The following PPP2R2B variants were observed in gnomAD, a reference collection of about 807,000 sequenced individuals.
The protein encoded by PPP2R2B is serine/threonine-protein phosphatase 2A 55 kDa regulatory subunit B beta isoform.
PPP2R2B carries 5 observed loss-of-function variants against 46.0 expected under a neutral mutation model. That is an observed-to-expected ratio of 0.11 (90% confidence interval 0.06 to 0.23). The LOEUF (loss-of-function observed/expected upper bound fraction) is 0.23, where lower values mean the gene tolerates loss of function less well. Among genes scored for constraint, PPP2R2B ranks in the 10% least tolerant of loss-of-function variants. The probability of loss-of-function intolerance (pLI) is 1.00; values close to 1 mark genes in which losing one functional copy is unlikely to be tolerated. For synonymous variants in PPP2R2B, 215 were observed against 206.7 expected (o/e 1.04, Z -0.34); for missense variants, 367 against 575.0 (o/e 0.64, Z 3.70).
At chr5:146,601,265 T>C (rs61418418) in intron 7 of PPP2R2B, among the ~76,000 whole-genome samples, 4,019 of 152,256 alleles carry the variant, frequency 0.026, 160 homozygotes, top group African/African-American at 0.089. Context: ...TTTTGTCTGG[T>C]CATATGTTTT....
At chr5:146,689,787 G>A (rs1561835094) in intron 5 of PPP2R2B, among the ~76,000 whole-genome samples, 1 of 152,186 alleles carries the variant, frequency 6.6e-6, no homozygotes, top group Non-Finnish European at 1.5e-5. Context: ...AGTCCACCCA[G>A]AATGATAAGG....
chr5:146,814,432 A>T (rs558449113), intron 2 of PPP2R2B, among the ~76,000 whole-genome samples: 3 of 152,164 alleles, frequency 2.0e-5, no homozygotes, highest in Non-Finnish European at 4.4e-5. Context: ...CCATCAGGTG[A>T]TGGTCAGGCA....
At position 146,693,635 on chromosome 5, in the gene PPP2R2B, C is replaced by T. The variant is rs575749032; in HGVS notation, c.335-2395G>A. Among the ~76,000 whole-genome samples, 36 of 152,272 alleles carry T rather than the reference C, an allele frequency of 2.4e-4. No individual in the cohort carries two copies. The South Asian group carries it at 7.3e-3, about 31-fold the overall frequency. The stretch of plus-strand genomic sequence containing the variant: ...AAAATAATTTAGTATGAGTATATCC[C>T]ATATAGTTCAATCTTACAAAGAAAG... On this transcript the variant is annotated intron_variant, in intron 4 of 9. Transcript: ENST00000394411.
chr5:146,698,079 G>T lies in PPP2R2B; in HGVS notation c.234C>A (p.Pro78=). 1 of 1,612,300 alleles carries T rather than the reference G, an allele frequency of 6.2e-7. No individual in the cohort carries two copies. The highest frequency in any genetic ancestry group is 1.1e-5 in the South Asian group (1 of 90,958). Residue 78 remains proline, a synonymous_variant, in exon 4 of 10, where the codon CCC becomes CCA. Transcript: ENST00000394411. The part of the protein sequence containing the change: ...NVYSTFQSHE[P]EFDYLKSLEI... The stretch of plus-strand genomic sequence containing the variant: ...CTAAACTCTTCAGGTAATCGAACTC[G>T]GGTTCATGGCTCTGGAATGTGCTGT...
intron 1 of PPP2R2B, among the ~76,000 whole-genome samples, chr5:147,023,100 T>G (rs886673275): frequency 6.6e-6 from 1 of 152,192 alleles, no homozygotes; most frequent in Non-Finnish European, 1.5e-5. Flanking sequence ...CATATGTACA[T>G]ATATTATATT....
intron 2 of PPP2R2B, among the ~76,000 whole-genome samples, chr5:146,824,738 CTT>C (rs201658038): frequency 0.013 from 1,887 of 142,812 alleles, 37 homozygotes; most frequent in African/African-American, 0.045. Context: ...AGAATCAATA[CTT>C]TTTTTTTTTT....
intron 2 of PPP2R2B, among the ~76,000 whole-genome samples, chr5:146,804,985 G>GA (rs1757086198): frequency 6.6e-6 from 1 of 152,120 alleles, no homozygotes; most frequent in African/African-American, 2.4e-5. Context: ...TCAGCCTTCA[G>GA]AAAAAAGCTG....
intron 2 of PPP2R2B, among the ~76,000 whole-genome samples, chr5:146,863,637 C>CATCT (rs890870640): frequency 3.4e-5 from 5 of 147,114 alleles, no homozygotes; most frequent in Non-Finnish European, 6.0e-5. Flanking sequence ...CCCATCCATC[C>CATCT]ATCTATCCAT....
chr5:147,072,847 G>T (rs1239140650), intron 2 of PPP2R2B, among the ~76,000 whole-genome samples: 1 of 152,190 alleles, frequency 6.6e-6, no homozygotes, highest in Non-Finnish European at 1.5e-5. Context: ...AATAAAATGT[G>T]GGTCTGTGTA....
intron 2 of PPP2R2B, among the ~76,000 whole-genome samples, chr5:146,839,515 T>A (rs1432027839): frequency 6.6e-6 from 1 of 152,174 alleles, no homozygotes; most frequent in Non-Finnish European, 1.5e-5. Flanking sequence ...CGAAATCCCA[T>A]CTCAAAAATA....
intron 1 of PPP2R2B, chr5:147,040,836 T>C (rs1030136426): frequency 2.3e-6 from 1 of 434,452 alleles, no homozygotes; most frequent in African/African-American, 2.1e-5. Context: ...TGTAAAATAA[T>C]AGTGCCATTA....
In PPP2R2B at chr5:147,062,985, AGGGAGGGAGGGAGGGG is replaced by A. The variant is rs1293595154; in HGVS notation, c.50+18058_50+18073del. ...GAGGGAGGGAGGGAGGGAGGGAGGG[AGGGAGGGAGGGAGGGG>A]GGAAGAAGGGAAGGGGGAAGAGAGG... On this transcript the variant is annotated intron_variant, in intron 2 of 10. Coordinates refer to the PPP2R2B transcript ENST00000394413. 4.7e-4 allele frequency among the ~76,000 whole-genome samples: 32 copies of A among 67,560 alleles called. 1 individual carries two copies. The East Asian group carries it at 0.015, about 31-fold the overall frequency. 44.3% of individuals were successfully genotyped at this position (67,560 alleles called of 152,430 possible). A position where few individuals can be genotyped will look rare whatever the true frequency, so the allele number is the denominator to read the frequency against.
At chr5:146,618,030 G>GGGGTTTCA (rs1773350390) in intron 7 of PPP2R2B, among the ~76,000 whole-genome samples, 1 of 152,026 alleles carries the variant, frequency 6.6e-6, no homozygotes, top group Admixed American at 6.6e-5. Flanking sequence ...GCAGAATAAT[G>GGGGTTTCA]CCATTGCCCC....
intron 5 of PPP2R2B, among the ~76,000 whole-genome samples, chr5:146,653,628 G>A (rs549134911): frequency 3.9e-5 from 6 of 152,268 alleles, no homozygotes; most frequent in African/African-American, 1.4e-4. Context: ...TGCATTGTCT[G>A]CAGAGATTTC....
chr5:146,651,756 G>A (rs2151095587), intron 5 of PPP2R2B, among the ~76,000 whole-genome samples: 1 of 152,318 alleles, frequency 6.6e-6, no homozygotes, highest in South Asian at 2.1e-4. Flanking sequence ...AGCCCCGACT[G>A]ATTTGATACC....
At chr5:146,626,530 C>A (rs536512791) in intron 7 of PPP2R2B, among the ~76,000 whole-genome samples, 1 of 152,298 alleles carries the variant, frequency 6.6e-6, no homozygotes, top group South Asian at 2.1e-4. Context: ...CTCTAACAGG[C>A]CAATGCCTCT....
In PPP2R2B at chr5:146,805,884, G is replaced by A. The variant is rs533317273; in HGVS notation, c.70+72118C>T. Among the ~76,000 whole-genome samples, 8 of 152,224 alleles carry A rather than the reference G, an allele frequency of 5.3e-5. No individual in the cohort carries two copies. The East Asian group carries it at 7.7e-4, about 15-fold the overall frequency. On this transcript the variant is annotated intron_variant, in intron 2 of 9. Transcript: ENST00000394411. ...AAATTCCCTTAATTATCGGCAGCTC[G>A]ATGAGTCTGACTTCCTAGTTCTTAT...
intron 1 of PPP2R2B, among the ~76,000 whole-genome samples, chr5:147,055,485 C>T (rs1194708431): frequency 6.6e-6 from 1 of 152,176 alleles, no homozygotes; most frequent in Non-Finnish European, 1.5e-5. Context: ...AAACACTTCC[C>T]TTTCCTTGTA....
chr5:147,055,639 A>G, intron 1 of PPP2R2B: 1 of 1,583,898 alleles, frequency 6.3e-7, no homozygotes, highest in Non-Finnish European at 8.7e-7. Context: ...CCACCCACCC[A>G]GACACTCTCC....
Sources: allele counts gnomAD v4.1 joint callset (sites outside exome capture counted in the v4.1 genomes callset), GRCh38; gene constraint gnomAD v4.1.1; transcripts MANE v1.5; gene names NCBI Gene and HGNC (gene_info 2026-07-23, HGNC 2026-07-21).